GNG7: variants seen among roughly 807,000 people sequenced by gnomAD.
GNG7 encodes G protein subunit gamma 7, also known as guanine nucleotide-binding protein G(I)/G(S)/G(O) subunit gamma-7.
Under a neutral mutation model 4.0 loss-of-function variants are expected in GNG7, and 1 was observed. The ratio of observed to expected loss-of-function variants is 0.25; its 90% confidence interval spans 0.09 to 1.18. The LOEUF (loss-of-function observed/expected upper bound fraction) is 1.18. Ranked by LOEUF, GNG7 falls within the 50% of genes most tolerant of loss-of-function variation. The pLI is 0.50. For synonymous variants in GNG7, 34 were observed against 36.9 expected (o/e 0.92, Z 0.29); for missense variants, 86 against 91.9 (o/e 0.94, Z 0.26).
chr19:2,689,362 G>A (rs950663698), intron 1 of GNG7, among the ~76,000 whole-genome samples: 2 of 151,690 alleles, frequency 1.3e-5, no homozygotes, highest in African/African-American at 2.4e-5. Context: ...GCCGGGCTCG[G>A]TGGGCCTCCC....
chr19:2,529,139 G>A (rs1978505905), intron 3 of GNG7, among the ~76,000 whole-genome samples: 1 of 152,194 alleles, frequency 6.6e-6, no homozygotes, highest in Admixed American at 6.5e-5. Context: ...TTAAAAATCA[G>A]CATGGATCGG....
intron 2 of GNG7, among the ~76,000 whole-genome samples, chr19:2,577,307 G>A (rs567993456): frequency 2.6e-5 from 4 of 152,154 alleles, no homozygotes; most frequent in South Asian, 2.1e-4. Flanking sequence ...AGGCTCGCCC[G>A]GGGAAGGCTC....
intron 2 of GNG7, among the ~76,000 whole-genome samples, chr19:2,574,821 C>G (rs1805423225): frequency 6.6e-6 from 1 of 152,198 alleles, no homozygotes; most frequent in African/African-American, 2.4e-5. Context: ...TCCATCCCCA[C>G]CAGCCACGCA....
intron 1 of GNG7, among the ~76,000 whole-genome samples, chr19:2,650,825 G>A (rs992605126): frequency 6.6e-6 from 1 of 152,188 alleles, no homozygotes; most frequent in African/African-American, 2.4e-5. Context: ...CAATCGACCC[G>A]GGCGGCCAGC....
chr19:2,654,498 C>T (rs1485322045), intron 1 of GNG7, among the ~76,000 whole-genome samples: 3 of 151,536 alleles, frequency 2.0e-5, no homozygotes, highest in South Asian at 2.1e-4. Context: ...GCCTGATGTC[C>T]CCTGGGGAAC....
At chr19:2,532,144 C>G (rs1052784666) in intron 3 of GNG7, among the ~76,000 whole-genome samples, 17 of 119,262 alleles carry the variant, frequency 1.4e-4, no homozygotes, top group Non-Finnish European at 2.7e-4. Flanking sequence ...GAACGAGACT[C>G]CGTCTCAAAA....
chr19:2,639,131 G>A (rs978540792), intron 2 of GNG7, among the ~76,000 whole-genome samples: 4 of 152,126 alleles, frequency 2.6e-5, no homozygotes, highest in African/African-American at 4.8e-5. Flanking sequence ...CAGCTTGGGA[G>A]GCTGAGGCGG....
chr19:2,568,600 G>C (rs1037568223), intron 2 of GNG7, among the ~76,000 whole-genome samples: 9 of 147,622 alleles, frequency 6.1e-5, no homozygotes, highest in African/African-American at 2.0e-4. Context: ...CACATATATA[G>C]ACATACACAC....
chr19:2,528,464 T>C (rs1337821756), intron 3 of GNG7, among the ~76,000 whole-genome samples: 3 of 145,914 alleles, frequency 2.1e-5, no homozygotes, highest in Non-Finnish European at 3.0e-5. Flanking sequence ...GCACCTGTAG[T>C]CCCAGCTACT....
Position 2,615,396 on chromosome 19 carries a change from C to T in GNG7, c.-78+30828G>A, listed in dbSNP as rs141572543. Among the ~76,000 whole-genome samples the T allele has an allele frequency of 4.4e-3, 661 of 151,092 alleles. 6 individuals are homozygous for T. Among genetic ancestry groups the T allele is most frequent in the African/African-American group, 0.015 (625 of 41,194 alleles). On this transcript the variant is annotated intron_variant, in intron 2 of 4. Transcript: ENST00000382159. ...TCCTTAGAGACCTTCCTGGACACCA[C>T]GTGGCACAGACTCTGTCCTCTTGGT...
At chr19:2,525,119 C>G (rs1185456292) in intron 3 of GNG7, among the ~76,000 whole-genome samples, 1 of 152,182 alleles carries the variant, frequency 6.6e-6, no homozygotes, top group Non-Finnish European at 1.5e-5. Flanking sequence ...AGGAACGCCC[C>G]TCCCAACTGC....
intron 2 of GNG7, among the ~76,000 whole-genome samples, chr19:2,594,218 A>G (rs1980939745): frequency 6.6e-6 from 1 of 151,894 alleles, no homozygotes; most frequent in South Asian, 2.1e-4. Flanking sequence ...TAAAAATACA[A>G]AACACTTAGC....
chr19:2,602,041 G>A (rs1268912748), intron 2 of GNG7, among the ~76,000 whole-genome samples: 1 of 151,182 alleles, frequency 6.6e-6, no homozygotes, highest in East Asian at 2.0e-4. Context: ...GCTAGGATCT[G>A]GAGAAGCACT....
At chr19:2,671,513 G>T (rs991084732) in intron 1 of GNG7, among the ~76,000 whole-genome samples, 1 of 152,080 alleles carries the variant, frequency 6.6e-6, no homozygotes, top group Non-Finnish European at 1.5e-5. Flanking sequence ...CGAGAGCTGG[G>T]GAGGAGCCAG....
At chr19:2,621,034 C>T (rs1981855498) in intron 2 of GNG7, among the ~76,000 whole-genome samples, 1 of 152,072 alleles carries the variant, frequency 6.6e-6, no homozygotes, top group Admixed American at 6.6e-5. Context: ...AACGGGGGCC[C>T]CATCAACAGT....
At chr19:2,588,926 C>T (rs929296252) in intron 2 of GNG7, among the ~76,000 whole-genome samples, 1 of 152,154 alleles carries the variant, frequency 6.6e-6, no homozygotes, top group African/African-American at 2.4e-5. Flanking sequence ...AGCTGACTCC[C>T]AGGTCTCCTT....
chr19:2,583,807 C>T (rs1333848239), intron 2 of GNG7, among the ~76,000 whole-genome samples: 2 of 151,856 alleles, frequency 1.3e-5, no homozygotes, highest in Admixed American at 6.6e-5. Context: ...TGTGGTACAA[C>T]CAAAAGATAA....
At chr19:2,613,063 A>G (rs1981620025) in intron 2 of GNG7, among the ~76,000 whole-genome samples, 2 of 152,104 alleles carry the variant, frequency 1.3e-5, no homozygotes, top group Admixed American at 6.6e-5. Flanking sequence ...GAGTGTCCCA[A>G]CATGGCCCTG....
At chr19:2,639,167 G>A (rs1982413593) in intron 2 of GNG7, among the ~76,000 whole-genome samples, 1 of 151,780 alleles carries the variant, frequency 6.6e-6, no homozygotes, top group African/African-American at 2.4e-5. Flanking sequence ...CCGGAAGGAG[G>A]AGGTGGCAGT....
Sources: gnomAD v4.1 joint callset for allele counts (sites outside exome capture counted in the v4.1 genomes callset) on GRCh38, gnomAD v4.1.1 for gene constraint, MANE v1.5 for transcripts, NCBI Gene and HGNC (gene_info 2026-07-23, HGNC 2026-07-21) for gene names.